The following EPS8 variants were observed in gnomAD, a reference collection of about 807,000 sequenced individuals.
EPS8 encodes the protein EGFR pathway substrate 8, signaling adaptor, also known as epidermal growth factor receptor kinase substrate 8.
Under a neutral mutation model 103.8 loss-of-function variants are expected in EPS8, and 42 were observed. The observed-to-expected ratio is 0.40, with a 90% CI of 0.32 to 0.52. The LOEUF (loss-of-function observed/expected upper bound fraction) is 0.52, where lower values mean the gene tolerates loss of function less well. Among genes scored for constraint, EPS8 ranks in the 20% least tolerant of loss-of-function variants. The probability of loss-of-function intolerance (pLI) is 0.40; values close to 1 mark genes in which losing one functional copy is unlikely to be tolerated. For synonymous variants in EPS8, 344 were observed against 344.6 expected, an observed-to-expected ratio of 1.00 and a Z score of 0.02; for missense variants, 969 against 1,005.1, an observed-to-expected ratio of 0.96 and a Z score of 0.49.
At position 15,714,711 on chromosome 12, in the gene EPS8, G is replaced by A. The variant is rs1427264703; in HGVS notation, c.-21-31739C>T. Among the ~76,000 whole-genome samples, 5 of 152,198 alleles carry A rather than the reference G, an allele frequency of 3.3e-5. No individual in the cohort carries two copies. In the East Asian group the frequency reaches 7.7e-4, roughly 23 times the overall value. ...CAGTGCAGTATTCTTGGGGCAAATG[G>A]GAAATGGGTAAAAAACAAAAATACA... is the stretch of plus-strand genomic sequence containing the variant. On this transcript the variant is annotated intron_variant, in intron 1 of 20. Coordinates refer to ENST00000281172, the MANE Select transcript of EPS8 (RefSeq NM_004447.6). This position sits in a 1 kb window ranked among gnomAD's most constrained non-coding sequence, Gnocchi z 4.1.
At chr12:15,788,976 G>T (rs911284575) in intron 1 of EPS8, among the ~76,000 whole-genome samples, 185 bp downstream of exon 1, 3 of 152,130 alleles carry the variant, frequency 2.0e-5, no homozygotes, top group Admixed American at 6.5e-5. Flanking sequence ...GCGAGCGGAC[G>T]CCTCCGGCCG....
In EPS8 at chr12:15,644,838, T is replaced by C. The variant is rs928142045; in HGVS notation, c.1568+2289A>G. Reference sequence around the variant, plus strand: ...ACAAATTCCAAACCTCTGTGTATTTTATATCAGACCACAATTTTCAGACAG... The same window carrying C: ...ACAAATTCCAAACCTCTGTGTATTTCATATCAGACCACAATTTTCAGACAG... On this transcript the variant is annotated intron_variant, in intron 15 of 20. Transcript: ENST00000281172. Among the ~76,000 whole-genome samples the C allele has an allele frequency of 2.6e-5, 4 of 152,324 alleles. No individual in the cohort carries two copies. In the East Asian group the frequency reaches 5.8e-4, roughly 22 times the overall value.
chr12:15,779,220 C>T lies in EPS8; in HGVS notation c.-22+9941G>A, dbSNP rs141750037. On this transcript the variant is annotated intron_variant, in intron 1 of 20. Coordinates refer to ENST00000281172, the MANE Select transcript of EPS8 (RefSeq NM_004447.6). The surrounding 1 kb of genome is among the most constrained non-coding windows in gnomAD (Gnocchi z 4.3). Reference sequence around the variant, plus strand: ...CTCGAACTCCCAAACTCAGGTGATCCGCCTGCCTCGGCTTCCCAAAATGCT... The same window carrying T: ...CTCGAACTCCCAAACTCAGGTGATCTGCCTGCCTCGGCTTCCCAAAATGCT... Among the ~76,000 whole-genome samples the T allele has an allele frequency of 8.8e-3, 1,336 of 152,268 alleles. 22 individuals are homozygous for T. The highest frequency in any genetic ancestry group is 0.03 in the African/African-American group (1,234 of 41,552).
chr12:15,674,166 C>T (rs958763620), intron 3 of EPS8, among the ~76,000 whole-genome samples: 11 of 152,146 alleles, frequency 7.2e-5, no homozygotes, highest in Non-Finnish European at 1.5e-5. Context: ...TTCCCTTTCA[C>T]ATGCATTGCT....
intron 1 of EPS8, among the ~76,000 whole-genome samples, chr12:15,742,109 A>G (rs1459025652): frequency 6.6e-6 from 1 of 152,172 alleles, no homozygotes; most frequent in Non-Finnish European, 1.5e-5. Flanking sequence ...AATCCAGTCT[A>G]TCATTGAAGG....
rs1303240399 is a variant in EPS8 at position 15,693,865 on chromosome 12, G to T, written c.-21-10893C>A. Among the ~76,000 whole-genome samples, 1 of 151,846 alleles carries T rather than the reference G, an allele frequency of 6.6e-6. No individual in the cohort carries two copies. Among genetic ancestry groups the T allele is most frequent in the Non-Finnish European group, 1.5e-5 (1 of 68,010 alleles). On this transcript the variant is annotated intron_variant, in intron 1 of 20. Transcript: ENST00000281172. This position sits in a 1 kb window ranked among gnomAD's most constrained non-coding sequence, Gnocchi z 5.6. ...AATGAGAACACATGGACACAGGGAGGGGAAAAAATACACACCAAGGCCTGT... is the reference window on the plus strand; with the variant it reads ...AATGAGAACACATGGACACAGGGAGTGGAAAAAATACACACCAAGGCCTGT...
At chr12:15,712,172 T>G (rs1344615818) in intron 1 of EPS8, among the ~76,000 whole-genome samples, 1 of 152,104 alleles carries the variant, frequency 6.6e-6, no homozygotes, top group African/African-American at 2.4e-5. Context: ...TTTGAAAGAG[T>G]TGTTTCTTAA....
Position 15,786,801 on chromosome 12 carries a change from T to G in EPS8, c.-22+2360A>C, listed in dbSNP as rs1431182272. Among the ~76,000 whole-genome samples the G allele has an allele frequency of 2.0e-5, 3 of 152,170 alleles. No homozygotes were observed. In the East Asian group the frequency reaches 5.8e-4, roughly 29 times the overall value. ...CAACTATTCCAATGCAGAATTTTTC[T>G]TACAAAAATATTTTCAATCACTAAC... On this transcript the variant is annotated intron_variant, in intron 1 of 20. Transcript: ENST00000281172.
At position 15,787,609 on chromosome 12, in the gene EPS8, C is replaced by T. The variant is rs147166439; in HGVS notation, c.-22+1552G>A. Among the ~76,000 whole-genome samples the T allele has an allele frequency of 6.6e-6, 1 of 152,200 alleles. No individual in the cohort carries two copies. The highest frequency in any genetic ancestry group is 2.4e-5 in the African/African-American group (1 of 41,538). ...AGAATGCACCAAGTCTTGTAAACAG[C>T]GGTTATCTCAGAATAGTAGAATTAA... On this transcript the variant is annotated intron_variant, in intron 1 of 20. Transcript: ENST00000281172. This position sits in a 1 kb window ranked among gnomAD's most constrained non-coding sequence, Gnocchi z 4.9.
chr12:15,666,497 T>G lies in EPS8; in HGVS notation c.542A>C (p.Glu181Ala). The G allele has an allele frequency of 6.2e-7, 1 of 1,613,892 alleles. No homozygotes were observed. The highest frequency in any genetic ancestry group is 8.5e-7 in the Non-Finnish European group (1 of 1,179,794). ...TCCTTTACTGTCACTGATTGCACTT[T>G]CAATATCTTCACTAATTAGGTTTGC... Reference protein sequence around the residue: ...VKANLISEDIESAISDSKGGK... With the variant: ...VKANLISEDIASAISDSKGGK... The change falls in exon 7 of 21, where the codon GAA becomes GCA. Residue 181 changes from glutamate (E) to alanine (A), a missense_variant. By Grantham distance (107) the Glu-to-Ala change is moderately radical (BLOSUM62 -1). Transcript: ENST00000281172.
chr12:15,624,398 G>T lies in EPS8; in HGVS notation c.2054C>A (p.Ser685Tyr), dbSNP rs1424465430. The change falls in exon 19 of 21, where the codon TCT (serine) becomes TAT (tyrosine). Residue 685 changes from serine to tyrosine, a missense_variant. Transcript: ENST00000281172. ...HKQLPVDRRK[S>Y]QMEEVQDELI... ...TTCATCTTGCACTTCCTCCATCTGAGATTTCCTTCCTAGACACCAACAGGG... is the reference window on the plus strand; with the variant it reads ...TTCATCTTGCACTTCCTCCATCTGATATTTCCTTCCTAGACACCAACAGGG... 1 of 1,561,630 alleles carries T rather than the reference G, an allele frequency of 6.4e-7. No individual in the cohort carries two copies. The highest frequency in any genetic ancestry group is 2.3e-5 in the East Asian group (1 of 43,956).
intron 1 of EPS8, among the ~76,000 whole-genome samples, chr12:15,766,568 C>T (rs1017686715): frequency 3.3e-5 from 5 of 151,000 alleles, no homozygotes; most frequent in Admixed American, 6.6e-5. Flanking sequence ...ATCCCAGCTA[C>T]TTGGGAGGCT....
chr12:15,715,093 C>G (rs2135966362), intron 1 of EPS8, among the ~76,000 whole-genome samples: 1 of 152,330 alleles, frequency 6.6e-6, no homozygotes, highest in South Asian at 2.1e-4. Flanking sequence ...TGCCTGCAGA[C>G]AACCTTCAAC....
intron 2 of EPS8, 34 bp from the exon 3 acceptor site, chr12:15,681,336 T>TAATAAA: frequency 1.1e-6 from 1 of 924,000 alleles, no homozygotes; most frequent in Non-Finnish European, 1.5e-6. Flanking sequence ...ATAATAATAA[T>TAATAAA]ATAAAAAGGT....
At chr12:15,634,492 G>T (rs967071243) in intron 17 of EPS8, among the ~76,000 whole-genome samples, 4 of 152,174 alleles carry the variant, frequency 2.6e-5, no homozygotes, top group Admixed American at 2.6e-4. Context: ...ATAAGATCCT[G>T]ATTCATACAA....
chr12:15,762,526 A>G lies in EPS8; in HGVS notation c.-22+26635T>C, dbSNP rs1413713117. 6.6e-6 allele frequency among the ~76,000 whole-genome samples: 1 copy of G among 152,248 alleles called. No homozygotes were observed. The highest frequency in any genetic ancestry group is 1.9e-4 in the East Asian group (1 of 5,208). ...ACTGTTTACAATCACCAAGATTTGG[A>G]AGCAACCTAAGTGTCCATCAACAGA... On this transcript the variant is annotated intron_variant, in intron 1 of 20. Coordinates refer to ENST00000281172, the MANE Select transcript of EPS8 (RefSeq NM_004447.6). This position sits in a 1 kb window ranked among gnomAD's most constrained non-coding sequence, Gnocchi z 4.8.
intron 1 of EPS8, among the ~76,000 whole-genome samples, chr12:15,766,447 G>A (rs182284008): frequency 2.0e-5 from 3 of 150,114 alleles, no homozygotes; most frequent in Non-Finnish European, 4.4e-5. Context: ...GAGCCGAGCC[G>A]AGATTGCGCC....
intron 1 of EPS8, among the ~76,000 whole-genome samples, chr12:15,699,766 C>A (rs2135934640): frequency 6.6e-6 from 1 of 152,324 alleles, no homozygotes; most frequent in Non-Finnish European, 1.5e-5. Context: ...ACTGACCCAA[C>A]TTTAAGTGTC....
chr12:15,765,212 A>C (rs371172189), intron 1 of EPS8, among the ~76,000 whole-genome samples: 1 of 152,212 alleles, frequency 6.6e-6, no homozygotes, highest in Non-Finnish European at 1.5e-5. Context: ...TAAATGAAAC[A>C]AAATAAGCCT....
Sources: allele counts gnomAD v4.1 joint callset (sites outside exome capture counted in the v4.1 genomes callset), GRCh38; gene constraint gnomAD v4.1.1; non-coding constraint Gnocchi (gnomAD v3.1); transcripts MANE v1.5; gene names NCBI Gene and HGNC (gene_info 2026-07-23, HGNC 2026-07-21).